Variants in GABRB3 observed in about 807,000 individuals in gnomAD.
GABRB3 encodes gamma-aminobutyric acid receptor subunit beta-3.
A neutral mutation model predicts 52.1 loss-of-function variants in GABRB3; 14 were observed. The observed-to-expected ratio is 0.27, with a 90% CI of 0.18 to 0.42. The LOEUF is 0.42. GABRB3 is among the 10% of genes least tolerant of loss of function. The pLI, the probability that GABRB3 is intolerant of heterozygous loss-of-function variation, is 1.00. For missense variants in GABRB3, 307 were observed against 609.1 expected (o/e 0.50, Z 5.22); for synonymous variants, 260 against 232.3 (o/e 1.12, Z -1.08).
At chr15:26,629,184 G>C (rs771410774) in intron 3 of GABRB3, 50 of 1,470,640 alleles carry the variant, frequency 3.4e-5, no homozygotes, top group Admixed American at 1.8e-4. Context: ...CCCGGGAGAC[G>C]GAGGGCTTTG....
At chr15:26,603,399 A>C (rs1002375162) in intron 4 of GABRB3, among the ~76,000 whole-genome samples, 6 of 152,074 alleles carry the variant, frequency 3.9e-5, no homozygotes, top group African/African-American at 1.4e-4. Flanking sequence ...TTCCAAACTC[A>C]TTCTCTGAAG....
intron 8 of GABRB3, among the ~76,000 whole-genome samples, chr15:26,558,941 G>A (rs1426836285): frequency 1.3e-5 from 2 of 152,222 alleles, no homozygotes; most frequent in African/African-American, 4.8e-5. Flanking sequence ...AGGAAGCATG[G>A]TGCTGGCACC....
At chr15:26,704,785 C>T (rs1889045807) in intron 3 of GABRB3, among the ~76,000 whole-genome samples, 1 of 152,138 alleles carries the variant, frequency 6.6e-6, no homozygotes, top group Non-Finnish European at 1.5e-5. Context: ...GTTTTCAATA[C>T]CTTGTTCCTC....
At chr15:26,767,207 C>G (rs1005260764) in intron 3 of GABRB3, 1 of 152,242 alleles carries the variant, frequency 6.6e-6, no homozygotes, top group African/African-American at 2.4e-5. Flanking sequence ...GACCTTACCC[C>G]TGAAGTGCCT....
At chr15:26,655,481 G>T (rs1887338768) in intron 3 of GABRB3, among the ~76,000 whole-genome samples, 1 of 152,004 alleles carries the variant, frequency 6.6e-6, no homozygotes, top group African/African-American at 2.4e-5. Context: ...GGTGGTTCAC[G>T]CCTGTAATCC....
At chr15:26,756,678 T>C (rs770426577) in intron 3 of GABRB3, among the ~76,000 whole-genome samples, 4 of 149,260 alleles carry the variant, frequency 2.7e-5, no homozygotes, top group Non-Finnish European at 4.4e-5. Context: ...CACATATGTG[T>C]TATGTATAAA....
chr15:26,748,522 CTTA>C (rs1384578697), intron 3 of GABRB3, among the ~76,000 whole-genome samples: 1 of 152,006 alleles, frequency 6.6e-6, no homozygotes, highest in African/African-American at 2.4e-5. Flanking sequence ...GTGGTATTCC[CTTA>C]TTTTCTTTTA....
At chr15:26,683,308 T>A (rs530431470) in intron 3 of GABRB3, among the ~76,000 whole-genome samples, 1 of 152,300 alleles carries the variant, frequency 6.6e-6, no homozygotes, top group African/African-American at 2.4e-5. Context: ...CCTCTAGGTA[T>A]CTGAGGGTCG....
intron 4 of GABRB3, among the ~76,000 whole-genome samples, chr15:26,606,768 C>A (rs367764684): frequency 1.1e-5 from 1 of 89,752 alleles, no homozygotes; most frequent in Non-Finnish European, 2.9e-5. Context: ...ATCTGTCTAT[C>A]TATAGATAGA....
chr15:26,660,208 C>T (rs1030323431), intron 3 of GABRB3, among the ~76,000 whole-genome samples: 4 of 148,440 alleles, frequency 2.7e-5, no homozygotes, highest in Non-Finnish European at 5.9e-5. Context: ...CCAGCCTGGG[C>T]GACAGAGCAA....
chr15:26,571,832 G>A (rs1354832368), intron 6 of GABRB3, among the ~76,000 whole-genome samples: 1 of 152,032 alleles, frequency 6.6e-6, no homozygotes, highest in South Asian at 2.1e-4. Flanking sequence ...GGTGAATCGC[G>A]AGGTCAAGAG....
At chr15:26,559,405 CT>C (rs1889894545) in intron 8 of GABRB3, among the ~76,000 whole-genome samples, 1 of 152,112 alleles carries the variant, frequency 6.6e-6, no homozygotes, top group African/African-American at 2.4e-5. Context: ...ACCTGCAGAA[CT>C]GTGAACCAAT....
At chr15:26,625,374 A>G (rs1387717755) in intron 3 of GABRB3, 2 of 600,710 alleles carry the variant, frequency 3.3e-6, no homozygotes, top group African/African-American at 2.0e-5. Flanking sequence ...GAAGCTTTGT[A>G]AAAGTATCCT....
intron 7 of GABRB3, among the ~76,000 whole-genome samples, chr15:26,561,963 A>G (rs1476802262): frequency 6.6e-6 from 1 of 152,214 alleles, no homozygotes; most frequent in Non-Finnish European, 1.5e-5. Flanking sequence ...AAATGTCGTT[A>G]TGTTGAATTC....
At chr15:26,593,243 C>A (rs945611340) in intron 4 of GABRB3, among the ~76,000 whole-genome samples, 1 of 152,072 alleles carries the variant, frequency 6.6e-6, no homozygotes, top group South Asian at 2.1e-4. Context: ...TTTATTAGAG[C>A]AGGACCAAAC....
intron 3 of GABRB3, among the ~76,000 whole-genome samples, chr15:26,692,925 T>C (rs1048949172): frequency 2.6e-5 from 4 of 152,158 alleles, no homozygotes; most frequent in African/African-American, 9.7e-5. Context: ...AAATTTTCCC[T>C]AAAGAGCAAA....
intron 4 of GABRB3, among the ~76,000 whole-genome samples, chr15:26,606,234 A>G (rs1378370783): frequency 6.6e-6 from 1 of 152,128 alleles, no homozygotes; most frequent in Non-Finnish European, 1.5e-5. Flanking sequence ...ATTTGATAGC[A>G]CAACAGGGGG....
intron 3 of GABRB3, among the ~76,000 whole-genome samples, chr15:26,732,292 A>ATG (rs1889945086): frequency 6.8e-6 from 1 of 146,812 alleles, no homozygotes; most frequent in African/African-American, 2.5e-5. Flanking sequence ...ATGGATGGAT[A>ATG]GATGGATGGA....
At chr15:26,620,288 G>A (rs1025838754) in intron 4 of GABRB3, among the ~76,000 whole-genome samples, 8 of 152,234 alleles carry the variant, frequency 5.3e-5, no homozygotes, top group South Asian at 2.1e-4. Context: ...TCTATACTGC[G>A]GTTCTGAGAA....
Sources: allele counts gnomAD v4.1 joint callset (sites outside exome capture counted in the v4.1 genomes callset), GRCh38; gene constraint gnomAD v4.1.1; transcripts MANE v1.5; gene names NCBI Gene and HGNC (gene_info 2026-07-23, HGNC 2026-07-21).